Variants in DIAPH3 observed in about 807,000 individuals in gnomAD.
DIAPH3 encodes the protein diaphanous related formin 3.
DIAPH3 carries 117 observed loss-of-function variants against 144.3 expected under a neutral mutation model. The ratio of observed to expected loss-of-function variants is 0.81; its 90% confidence interval spans 0.70 to 0.95. DIAPH3 has a LOEUF of 0.95. Ranked by LOEUF, DIAPH3 falls within the 40% of genes least tolerant of loss-of-function variation. The pLI is 0.00. For missense variants in DIAPH3, 1,421 were observed against 1,412.7 expected (o/e 1.01, Z -0.09); for synonymous variants, 519 against 488.9 (o/e 1.06, Z -0.81).
At chr13:59,934,795 A>G (rs1017679211) in intron 17 of DIAPH3, among the ~76,000 whole-genome samples, 8 of 152,130 alleles carry the variant, frequency 5.3e-5, no homozygotes, top group Non-Finnish European at 1.2e-4. Context: ...GCAAGCCTAG[A>G]GCATCCTCTG....
At chr13:59,753,389 T>A (rs998411740) in intron 27 of DIAPH3, among the ~76,000 whole-genome samples, 11 of 152,310 alleles carry the variant, frequency 7.2e-5, no homozygotes, top group Non-Finnish European at 1.3e-4. Flanking sequence ...TGACTCCAAA[T>A]AATATAGTAA....
At chr13:60,151,196 C>G (rs1951765707) in intron 1 of DIAPH3, among the ~76,000 whole-genome samples, 1 of 152,100 alleles carries the variant, frequency 6.6e-6, no homozygotes, top group Non-Finnish European at 1.5e-5. Context: ...GAGGTCTCCC[C>G]TATTAATAAT....
At chr13:59,712,753 C>T (rs1459407854) in intron 27 of DIAPH3, among the ~76,000 whole-genome samples, 1 of 152,108 alleles carries the variant, frequency 6.6e-6, no homozygotes, top group Non-Finnish European at 1.5e-5. Flanking sequence ...AATAAGTCTT[C>T]CCTTGTAGAT....
chr13:59,774,091 T>C (rs1593813498), intron 27 of DIAPH3, 98 bp downstream of exon 27: 1 of 1,213,572 alleles, frequency 8.2e-7, no homozygotes. Context: ...TTTAGTTATA[T>C]TGGAACTTGA....
intron 22 of DIAPH3, among the ~76,000 whole-genome samples, chr13:59,847,672 A>T: frequency 6.6e-6 from 1 of 152,222 alleles, no homozygotes; most frequent in East Asian, 1.9e-4. Flanking sequence ...GTGTACATGT[A>T]CATGGGAGGG....
At chr13:59,925,426 C>A (rs775869074) in intron 17 of DIAPH3, among the ~76,000 whole-genome samples, 6 of 152,118 alleles carry the variant, frequency 3.9e-5, no homozygotes, top group Admixed American at 1.3e-4. Flanking sequence ...ACTGTATTAT[C>A]TTCGTGATGT....
At chr13:60,141,887 AG>A (rs1202407243) in intron 1 of DIAPH3, among the ~76,000 whole-genome samples, 6 of 152,256 alleles carry the variant, frequency 3.9e-5, no homozygotes, top group African/African-American at 1.4e-4. Flanking sequence ...AGGTAGGCAT[AG>A]GCCTCATTGA....
At chr13:59,730,353 T>C (rs996821688) in intron 27 of DIAPH3, among the ~76,000 whole-genome samples, 5 of 152,178 alleles carry the variant, frequency 3.3e-5, no homozygotes, top group Non-Finnish European at 5.9e-5. Flanking sequence ...CCTTTATGTT[T>C]CATAAATCTG....
intron 1 of DIAPH3, among the ~76,000 whole-genome samples, chr13:60,147,984 G>C (rs1232608338): frequency 6.6e-6 from 1 of 152,046 alleles, no homozygotes; most frequent in Non-Finnish European, 1.5e-5. Flanking sequence ...GAGATGGAAG[G>C]TAAGATAGAT....
chr13:59,991,417 T>C, intron 11 of DIAPH3, 143 bp from the exon 12 acceptor site: 1 of 670,398 alleles, frequency 1.5e-6, no homozygotes, highest in Non-Finnish European at 2.6e-6. Context: ...TATTTAGGAT[T>C]GAGGGTAGTG....
chr13:60,056,961 A>G (rs1566721147), intron 4 of DIAPH3, among the ~76,000 whole-genome samples: 1 of 151,822 alleles, frequency 6.6e-6, no homozygotes, highest in Admixed American at 6.6e-5. Flanking sequence ...ATTTTGCCCA[A>G]TTAAAACAAG....
chr13:59,967,604 C>A (rs1035019080), intron 17 of DIAPH3, among the ~76,000 whole-genome samples: 1 of 152,106 alleles, frequency 6.6e-6, no homozygotes, highest in African/African-American at 2.4e-5. Flanking sequence ...AATCCTGTTT[C>A]TCTGAACGTA....
rs141714062 is a variant in DIAPH3, at chr13:60,056,291, C to T, written c.496-13471G>A. Among the ~76,000 whole-genome samples, 518 of 150,418 alleles carry T rather than the reference C, an allele frequency of 3.4e-3. 3 individuals are homozygous for T. Among genetic ancestry groups the T allele is most frequent in the African/African-American group, 0.012 (493 of 41,090 alleles). ...TAGAAAAGAGAGAGAGGAGAGAGAA[C>T]GAGCAATAGAGACAGAGAAAGGAGA... On this transcript the variant is annotated intron_variant, in intron 4 of 27. Transcript: ENST00000400324.
intron 27 of DIAPH3, among the ~76,000 whole-genome samples, chr13:59,760,024 T>C (rs1208351035): frequency 6.6e-6 from 1 of 152,162 alleles, no homozygotes; most frequent in African/African-American, 2.4e-5. Flanking sequence ...AGGCTGCTAT[T>C]GTCAAAGGCT....
chr13:59,952,497 G>C (rs1356570962), intron 17 of DIAPH3, among the ~76,000 whole-genome samples: 6 of 151,960 alleles, frequency 3.9e-5, no homozygotes, highest in Admixed American at 2.6e-4. Context: ...CACCAATCAG[G>C]GTGCATCCAA....
intron 11 of DIAPH3, among the ~76,000 whole-genome samples, chr13:59,991,619 C>A (rs1433821042): frequency 6.6e-6 from 1 of 151,808 alleles, no homozygotes; most frequent in Non-Finnish European, 1.5e-5. Context: ...TAATTATCTA[C>A]CATGAAGAAG....
intron 27 of DIAPH3, among the ~76,000 whole-genome samples, chr13:59,763,288 A>G (rs188988004): frequency 7.8e-4 from 102 of 131,266 alleles, no homozygotes; most frequent in African/African-American, 3.0e-3. Flanking sequence ...ACATATATTC[A>G]CATATATGTA....
chr13:59,848,306 T>C (rs931868571), intron 22 of DIAPH3, among the ~76,000 whole-genome samples: 2 of 113,208 alleles, frequency 1.8e-5, no homozygotes, highest in African/African-American at 2.8e-5. Flanking sequence ...TAAAGTCAAA[T>C]CTTTTTTTTT....
intron 5 of DIAPH3, among the ~76,000 whole-genome samples, chr13:60,038,181 A>C (rs1221709813): frequency 6.6e-6 from 1 of 152,114 alleles, no homozygotes; most frequent in African/African-American, 2.4e-5. Context: ...GAAGCTTCAA[A>C]GCTATAGGCA....
Sources: gnomAD v4.1 joint callset for allele counts (sites outside exome capture counted in the v4.1 genomes callset) on GRCh38, gnomAD v4.1.1 for gene constraint, MANE v1.5 for transcripts, NCBI Gene and HGNC (gene_info 2026-07-23, HGNC 2026-07-21) for gene names.